The following OR51B5 variants were observed in gnomAD, a reference collection of about 807,000 sequenced individuals.
OR51B5 encodes the protein olfactory receptor 51B5.
For missense variants in OR51B5, 456 were observed against 374.6 expected, an observed-to-expected ratio of 1.22 and a Z score of -1.79; for synonymous variants, 186 against 144.8, an observed-to-expected ratio of 1.28 and a Z score of -2.04.
chr11:5,456,767 T>C (rs935850683), intron 1 of OR51B5, among the ~76,000 whole-genome samples: 1 of 152,108 alleles, frequency 6.6e-6, no homozygotes, highest in African/African-American at 2.4e-5. Flanking sequence ...ATAATCCCCA[T>C]TGCTGAAGGT....
chr11:5,423,098 C>T, intron 1 of OR51B5: 3 of 1,612,498 alleles, frequency 1.9e-6, no homozygotes, highest in South Asian at 2.2e-5. Context: ...AAAGAACAAG[C>T]AGATCCAATG....
At chr11:5,354,963 AGGTGTGAAAATGGTT>A (rs1849165225) in intron 1 of OR51B5, 1 of 160,634 alleles carries the variant, frequency 6.2e-6, no homozygotes, top group Non-Finnish European at 1.4e-5. Context: ...CTGGGCAGGA[AGGTGTGAAAATGGTT>A]GGTGAGAAAG....
intron 1 of OR51B5, among the ~76,000 whole-genome samples, chr11:5,395,369 G>A (rs1464499408): frequency 6.6e-6 from 1 of 152,186 alleles, no homozygotes; most frequent in Non-Finnish European, 1.5e-5. Context: ...TTGTTTTGTG[G>A]ATAAAGGAAG....
At position 5,478,985 on chromosome 11, in the gene OR51B5, C is replaced by A. The variant is rs563833317; in HGVS notation, n.84+26584G>T. On this transcript the variant is annotated intron_variant and non_coding_transcript_variant, in intron 1 of 4. Coordinates refer to the OR51B5 transcript ENST00000415970. The stretch of plus-strand genomic sequence containing the variant: ...TCCCCAATCTAGCAAGGCAGGTCAA[C>A]GTTCAGATTCAGGAAATACAGAGAA... 1.3e-3 allele frequency among the ~76,000 whole-genome samples: 203 copies of A among 152,064 alleles called. 2 individuals are homozygous for A. Among genetic ancestry groups the A allele is most frequent in the Non-Finnish European group, 2.4e-3 (162 of 67,962 alleles).
chr11:5,453,283 G>T, intron 1 of OR51B5: 1 of 418,360 alleles, frequency 2.4e-6, no homozygotes, highest in Non-Finnish European at 4.2e-6. Flanking sequence ...TCAGCCTGCA[G>T]GCTGATCATC....
Position 5,465,902 on chromosome 11 carries a change from G to C in OR51B5, n.84+39667C>G, listed in dbSNP as rs555106724. On this transcript the variant is annotated intron_variant and non_coding_transcript_variant, in intron 1 of 4. Coordinates refer to the OR51B5 transcript ENST00000415970. ...CCATTCAGGACACAGGCATGGGCAA[G>C]GACTTCATGTCCAAAACACCAAAAG... 4.6e-5 allele frequency among the ~76,000 whole-genome samples: 7 copies of C among 151,486 alleles called. No homozygotes were observed. The East Asian group carries it at 1.4e-3, about 29-fold the overall frequency.
At chr11:5,350,135 T>A (rs1342948954) in intron 1 of OR51B5, among the ~76,000 whole-genome samples, 1 of 152,078 alleles carries the variant, frequency 6.6e-6, no homozygotes, top group East Asian at 1.9e-4. Context: ...AATAAAAAAA[T>A]TATCCACTCT....
At chr11:5,379,543 A>G (rs780390588) in intron 1 of OR51B5, among the ~76,000 whole-genome samples, 8 of 151,666 alleles carry the variant, frequency 5.3e-5, no homozygotes, top group Non-Finnish European at 1.0e-4. Context: ...TCCTCTAATA[A>G]TTTTCTTGTA....
At chr11:5,447,359 T>G (rs962141131) in intron 1 of OR51B5, among the ~76,000 whole-genome samples, 9 of 152,162 alleles carry the variant, frequency 5.9e-5, no homozygotes, top group African/African-American at 2.2e-4. Context: ...GCATCTCTTC[T>G]ATGGTTCCAG....
At chr11:5,370,058 C>G (rs1317821518) in intron 1 of OR51B5, among the ~76,000 whole-genome samples, 4 of 152,086 alleles carry the variant, frequency 2.6e-5, no homozygotes, top group Non-Finnish European at 5.9e-5. Flanking sequence ...TTCCACAAAC[C>G]TCTCCTGCCA....
intron 1 of OR51B5, among the ~76,000 whole-genome samples, chr11:5,386,799 A>G (rs560420177): frequency 6.6e-6 from 1 of 151,854 alleles, no homozygotes; most frequent in African/African-American, 2.4e-5. Context: ...AACTTAGTTA[A>G]AAATTAGATA....
downstream of OR51B5, among the ~76,000 whole-genome samples, chr11:5,341,564 G>A (rs1205844016): frequency 6.6e-6 from 1 of 152,090 alleles, no homozygotes; most frequent in Admixed American, 6.5e-5. Flanking sequence ...TTTAAATTGA[G>A]TTATGGGTCC....
chr11:5,402,453 A>C (rs1849985127), intron 1 of OR51B5: 2 of 354,106 alleles, frequency 5.6e-6, no homozygotes, highest in Non-Finnish European at 1.1e-5. Flanking sequence ...TTTAGAAATA[A>C]GAAGTTTGGC....
intron 1 of OR51B5, chr11:5,390,156 G>C: frequency 6.2e-7 from 1 of 1,613,860 alleles, no homozygotes; most frequent in Non-Finnish European, 8.5e-7. Flanking sequence ...TTTCAGACAT[G>C]CACCGCTCCT....
chr11:5,403,499 C>A, intron 1 of OR51B5: 1 of 471,774 alleles, frequency 2.1e-6, no homozygotes, highest in South Asian at 1.5e-5. Flanking sequence ...CCAAGGAGAT[C>A]CATGGTGCCA....
intron 1 of OR51B5, among the ~76,000 whole-genome samples, chr11:5,429,223 C>CTT (rs35518424): frequency 0.21 from 31,276 of 151,986 alleles, 3,494 homozygotes; most frequent in East Asian, 0.43. Flanking sequence ...AAACCCCAGC[C>CTT]TTTGAGAGTT....
intron 1 of OR51B5, among the ~76,000 whole-genome samples, chr11:5,383,202 A>G (rs1034615730): frequency 1.3e-5 from 2 of 152,200 alleles, no homozygotes; most frequent in African/African-American, 4.8e-5. Flanking sequence ...GTGCATTCAA[A>G]GATGAAGTAG....
intron 1 of OR51B5, among the ~76,000 whole-genome samples, chr11:5,430,070 T>C (rs1453041999): frequency 6.6e-6 from 1 of 152,148 alleles, no homozygotes; most frequent in Non-Finnish European, 1.5e-5. Flanking sequence ...TAAACAAAAA[T>C]AAACAATTTA....
chr11:5,415,700 C>T (rs953183281), intron 1 of OR51B5, among the ~76,000 whole-genome samples: 23 of 152,174 alleles, frequency 1.5e-4, no homozygotes, highest in African/African-American at 5.3e-4. Flanking sequence ...TTCCTCGACA[C>T]ATACACTCTG....
Sources: gnomAD v4.1 joint callset for allele counts (sites outside exome capture counted in the v4.1 genomes callset) on GRCh38, gnomAD v4.1.1 for gene constraint, MANE v1.5 for transcripts, NCBI Gene and HGNC (gene_info 2026-07-23, HGNC 2026-07-21) for gene names.